The following ZPLD1 variants were observed in gnomAD, a reference collection of about 807,000 sequenced individuals.
ZPLD1 encodes zona pellucida like domain containing 1.
In ZPLD1, 34 loss-of-function variants were observed where a neutral mutation model predicts 47.2. The observed-to-expected ratio is 0.72, with a 90% CI of 0.55 to 0.96. The LOEUF is 0.96. Ranked by LOEUF, ZPLD1 falls within the 40% of genes least tolerant of loss-of-function variation. The probability of loss-of-function intolerance (pLI) is 0.00; values close to 1 mark genes in which losing one functional copy is unlikely to be tolerated. For missense variants in ZPLD1, 512 were observed against 505.8 expected (o/e 1.01, Z -0.12); for synonymous variants, 176 against 186.2 (o/e 0.95, Z 0.45).
At chr3:102,430,284 A>G (rs1707002079), upstream of ZPLD1, among the ~76,000 whole-genome samples, 3 of 152,238 alleles carry the variant, frequency 2.0e-5, no homozygotes, top group Admixed American at 1.3e-4. Context: ...CAGTCCTTCA[A>G]TACTTTTCAA....
At chr3:102,435,212 C>T (rs1707070325) in intron 1 of ZPLD1, 58 bp downstream of exon 1, 1 of 1,580,256 alleles carries the variant, frequency 6.3e-7, no homozygotes. Flanking sequence ...TTTTAACTTA[C>T]AGTTGAACTA....
intron 7 of ZPLD1, among the ~76,000 whole-genome samples, chr3:102,463,618 T>A (rs932439988): frequency 6.6e-6 from 1 of 152,134 alleles, no homozygotes; most frequent in African/African-American, 2.4e-5. Context: ...GTGTATATAT[T>A]TATGGGGTAC....
At chr3:102,416,139 A>G (rs1020183567) in intron 7 of ZPLD1, among the ~76,000 whole-genome samples, 2 of 152,080 alleles carry the variant, frequency 1.3e-5, no homozygotes, top group South Asian at 4.1e-4. Context: ...AATAACTGGT[A>G]AAATTTCCTT....
intron 10 of ZPLD1, 48 bp from the exon 11 acceptor site, chr3:102,476,964 T>C (rs1488997471): frequency 3.1e-6 from 5 of 1,596,912 alleles, no homozygotes; most frequent in East Asian, 2.2e-5. Flanking sequence ...CAAAGGTAAA[T>C]ATTTGGAGAG....
chr3:102,471,327 ACT>A (rs1707682020), intron 10 of ZPLD1, among the ~76,000 whole-genome samples: 1 of 150,966 alleles, frequency 6.6e-6, no homozygotes, highest in South Asian at 2.1e-4. Flanking sequence ...CCTTAACTCT[ACT>A]CTCTCTTGTG....
chr3:102,457,702 G>T, intron 5 of ZPLD1, 79 bp from the exon 6 acceptor site: 1 of 1,269,114 alleles, frequency 7.9e-7, no homozygotes, highest in Non-Finnish European at 1.1e-6. Flanking sequence ...AGGAGTTTTA[G>T]TGCTTTAAGT....
chr3:102,420,579 T>G (rs1333191878), intron 8 of ZPLD1, among the ~76,000 whole-genome samples: 1 of 152,052 alleles, frequency 6.6e-6, no homozygotes, highest in East Asian at 1.9e-4. Flanking sequence ...AATTTTCACT[T>G]TTCACGCAAG....
At chr3:102,387,280 T>G (rs1214496962) in intron 6 of ZPLD1, among the ~76,000 whole-genome samples, 1 of 152,230 alleles carries the variant, frequency 6.6e-6, no homozygotes, top group African/African-American at 2.4e-5. Context: ...CATTCCATTT[T>G]ACATGTCTTC....
chr3:102,438,933 A>AAT (rs10652636), intron 3 of ZPLD1, among the ~76,000 whole-genome samples: 53,575 of 151,916 alleles, frequency 0.35, 9,798 homozygotes, highest in Middle Eastern at 0.47. Flanking sequence ...CTTAAATGCT[A>AAT]ATATTTATTT....
chr3:102,399,998 T>C (rs547171537), intron 7 of ZPLD1, among the ~76,000 whole-genome samples: 1 of 152,114 alleles, frequency 6.6e-6, no homozygotes, highest in Admixed American at 6.6e-5. Flanking sequence ...TTTGTATTTT[T>C]AGTAGAGATG....
At chr3:102,386,086 C>T (rs1706421623) in intron 6 of ZPLD1, among the ~76,000 whole-genome samples, 1 of 152,130 alleles carries the variant, frequency 6.6e-6, no homozygotes, top group African/African-American at 2.4e-5. Context: ...TTCTCCACTC[C>T]TTGACTGATT....
intron 7 of ZPLD1, among the ~76,000 whole-genome samples, chr3:102,406,188 T>A (rs1173803875): frequency 6.6e-6 from 1 of 151,934 alleles, no homozygotes; most frequent in Non-Finnish European, 1.5e-5. Context: ...CTCAGAAAAC[T>A]CAGAGAAAAG....
chr3:102,472,448 C>A (rs1707699524), intron 10 of ZPLD1, among the ~76,000 whole-genome samples: 1 of 151,148 alleles, frequency 6.6e-6, no homozygotes, highest in Non-Finnish European at 1.5e-5. Context: ...AGGAGAATTG[C>A]TTGAGCCAGG....
intron 7 of ZPLD1, among the ~76,000 whole-genome samples, chr3:102,409,449 A>G (rs1015022246): frequency 6.6e-6 from 1 of 151,964 alleles, no homozygotes; most frequent in Admixed American, 6.6e-5. Context: ...CATTCAAACC[A>G]TAGCACATAC....
chr3:102,407,233 TTCATTCTTCCCAAC>T (rs1219478007), intron 7 of ZPLD1, among the ~76,000 whole-genome samples: 1 of 151,036 alleles, frequency 6.6e-6, no homozygotes, highest in Non-Finnish European at 1.5e-5. Flanking sequence ...CTGAAAAGTC[TTCATTCTTCCCAAC>T]TCTATTGTTT....
chr3:102,430,326 C>T (rs1200790318), upstream of ZPLD1, among the ~76,000 whole-genome samples: 2 of 152,250 alleles, frequency 1.3e-5, no homozygotes, highest in Non-Finnish European at 2.9e-5. Flanking sequence ...CTTTTCCTGA[C>T]ACCTGCCATC....
At chr3:102,420,638 T>G (rs4544591) in intron 8 of ZPLD1, among the ~76,000 whole-genome samples, 22,083 of 151,886 alleles carry the variant, frequency 0.15, 2,058 homozygotes, top group Middle Eastern at 0.24. Flanking sequence ...ATGTGAAAAC[T>G]ATTTTTAGCA....
chr3:102,430,759 T>C (rs1434039177), upstream of ZPLD1, among the ~76,000 whole-genome samples: 3 of 152,228 alleles, frequency 2.0e-5, no homozygotes, highest in African/African-American at 7.2e-5. Context: ...TTGATTCCTG[T>C]GCTGTGCCTT....
chr3:102,460,069 T>G (rs1241809136), intron 6 of ZPLD1, among the ~76,000 whole-genome samples: 1 of 152,188 alleles, frequency 6.6e-6, no homozygotes, highest in South Asian at 2.1e-4. Flanking sequence ...TAGAAAAAAT[T>G]TTGATATACT....
Sources: gnomAD v4.1 joint callset for allele counts (sites outside exome capture counted in the v4.1 genomes callset) on GRCh38, gnomAD v4.1.1 for gene constraint, MANE v1.5 for transcripts, NCBI Gene and HGNC (gene_info 2026-07-23, HGNC 2026-07-21) for gene names.